The following SCARA5 variants were observed in gnomAD, a reference collection of about 807,000 sequenced individuals.
SCARA5 encodes the protein scavenger receptor class A member 5, also known as scavenger receptor class A, member 5 (putative).
A neutral mutation model predicts 46.3 loss-of-function variants in SCARA5; 45 were observed. The ratio of observed to expected loss-of-function variants is 0.97; its 90% CI spans 0.76 to 1.24. SCARA5 has a LOEUF of 1.24. SCARA5 is among the 50% of genes most tolerant of loss of function. The pLI, the probability that SCARA5 is intolerant of heterozygous loss-of-function variation, is 0.00. For synonymous variants in SCARA5, 333 were observed against 306.5 expected (o/e 1.09, Z -0.90); for missense variants, 680 against 689.0 (o/e 0.99, Z 0.15).
At chr8:27,914,023 T>C (rs981387951) in intron 4 of SCARA5, among the ~76,000 whole-genome samples, 1 of 152,208 alleles carries the variant, frequency 6.6e-6, no homozygotes, top group African/African-American at 2.4e-5. Flanking sequence ...GCTCCCATAA[T>C]TCCCATGTGT....
At chr8:27,912,667 C>T (rs2685342) in intron 4 of SCARA5, among the ~76,000 whole-genome samples, 83,356 of 152,076 alleles carry the variant, frequency 0.55, 23,680 homozygotes, top group Non-Finnish European at 0.63. Flanking sequence ...CCTTTCTCTC[C>T]TCTCTGCCTC....
At chr8:27,893,336 C>G (rs1291024126) in intron 7 of SCARA5, among the ~76,000 whole-genome samples, 2 of 152,148 alleles carry the variant, frequency 1.3e-5, no homozygotes, top group Non-Finnish European at 1.5e-5. Flanking sequence ...TCTGGAATGG[C>G]CCAGGAATGC....
chr8:27,968,584 CT>C (rs1237823507), intron 2 of SCARA5, among the ~76,000 whole-genome samples: 6 of 152,202 alleles, frequency 3.9e-5, no homozygotes, highest in African/African-American at 1.4e-4. Context: ...AGAGAAAACT[CT>C]GTTCCTCTCA....
At chr8:27,872,136 A>G in intron 8 of SCARA5, 66 bp from the exon 9 acceptor site, 2 of 1,567,860 alleles carry the variant, frequency 1.3e-6, no homozygotes, top group Middle Eastern at 1.7e-4. Context: ...AAGAGAGAGC[A>G]TAACTGTGCC....
intron 2 of SCARA5, among the ~76,000 whole-genome samples, chr8:27,979,386 G>A (rs1808580159): frequency 6.6e-6 from 1 of 152,162 alleles, no homozygotes; most frequent in African/African-American, 2.4e-5. Context: ...AGGACTCAAT[G>A]TGGAATAACT....
At chr8:27,893,263 C>T (rs1807015146) in intron 7 of SCARA5, among the ~76,000 whole-genome samples, 1 of 152,150 alleles carries the variant, frequency 6.6e-6, no homozygotes, top group South Asian at 2.1e-4. Flanking sequence ...AAGACCGGCT[C>T]CTGCTGTCAG....
intron 3 of SCARA5, among the ~76,000 whole-genome samples, chr8:27,956,006 G>A (rs142104551): frequency 6.6e-6 from 1 of 152,282 alleles, no homozygotes; most frequent in East Asian, 1.9e-4. Context: ...GAAAAGTCAA[G>A]ACTTCTGATT....
chr8:27,953,996 C>A (rs1246707214), intron 3 of SCARA5, among the ~76,000 whole-genome samples: 2 of 152,172 alleles, frequency 1.3e-5, no homozygotes, highest in Non-Finnish European at 2.9e-5. Context: ...TGATGCAGGT[C>A]CCACTCTGCC....
chr8:27,880,563 C>T (rs911277927), intron 7 of SCARA5, among the ~76,000 whole-genome samples: 6 of 152,030 alleles, frequency 3.9e-5, no homozygotes, highest in South Asian at 2.1e-4. Context: ...GGCAAAAGAG[C>T]GGCTGGGCTT....
rs1460100735 is a variant in SCARA5, at chr8:27,968,987, T to C, written c.113-2445A>G. On this transcript the variant is annotated intron_variant, in intron 2 of 8. Coordinates refer to ENST00000354914, the MANE Select transcript of SCARA5 (RefSeq NM_173833.6). ...GTTCTTTGAGCAAGACTTGGTTACT[T>C]TGTGCATTAAACCAAGTATATTTTA... is the stretch of plus-strand genomic sequence containing the variant. 2.0e-5 allele frequency among the ~76,000 whole-genome samples: 3 copies of C among 152,214 alleles called. No individual in the cohort carries two copies. In the East Asian group the frequency reaches 5.8e-4, roughly 29 times the overall value.
At chr8:27,911,330 T>C (rs1807371202) in intron 4 of SCARA5, among the ~76,000 whole-genome samples, 2 of 152,156 alleles carry the variant, frequency 1.3e-5, no homozygotes, top group Non-Finnish European at 2.9e-5. Flanking sequence ...CCATACCCTT[T>C]ATATCCCTAT....
At chr8:27,983,465 C>G (rs1808654568) in intron 2 of SCARA5, among the ~76,000 whole-genome samples, 2 of 152,212 alleles carry the variant, frequency 1.3e-5, no homozygotes, top group Admixed American at 1.3e-4. Context: ...GGGAGTCACT[C>G]CTTGGCACCA....
chr8:27,958,908 G>C (rs927721323), intron 3 of SCARA5, among the ~76,000 whole-genome samples: 26 of 152,148 alleles, frequency 1.7e-4, no homozygotes, highest in African/African-American at 6.0e-4. Flanking sequence ...TTTGGATGTA[G>C]GGTCGTGTAT....
chr8:27,906,800 G>A (rs1807269893), intron 6 of SCARA5, among the ~76,000 whole-genome samples: 3 of 152,118 alleles, frequency 2.0e-5, no homozygotes, highest in African/African-American at 7.2e-5. Flanking sequence ...CCTGGACTCA[G>A]GAGATCCTTC....
intron 4 of SCARA5, among the ~76,000 whole-genome samples, chr8:27,914,430 C>T (rs760770661): frequency 9.8e-5 from 15 of 152,314 alleles, no homozygotes; most frequent in East Asian, 3.9e-4. Context: ...TGGGAGCACC[C>T]GGAGCCTGGT....
chr8:27,974,945 C>T (rs1293443465), intron 2 of SCARA5, among the ~76,000 whole-genome samples: 1 of 151,970 alleles, frequency 6.6e-6, no homozygotes, highest in South Asian at 2.1e-4. Context: ...TTCTAAAGCT[C>T]TTGGGATTTC....
chr8:27,947,581 T>C (rs995008941), intron 3 of SCARA5, among the ~76,000 whole-genome samples: 1 of 152,108 alleles, frequency 6.6e-6, no homozygotes, highest in Non-Finnish European at 1.5e-5. Flanking sequence ...TGCTTCAACC[T>C]GGATGAACTT....
intron 3 of SCARA5, among the ~76,000 whole-genome samples, chr8:27,934,895 G>C (rs1807830486): frequency 6.6e-6 from 1 of 152,264 alleles, no homozygotes; most frequent in African/African-American, 2.4e-5. Context: ...AAGCTGCCCA[G>C]GGCCCAGTTT....
intron 3 of SCARA5, among the ~76,000 whole-genome samples, chr8:27,953,385 T>C (rs1330744144): frequency 6.6e-6 from 1 of 152,238 alleles, no homozygotes; most frequent in African/African-American, 2.4e-5. Flanking sequence ...GTATTTTCAT[T>C]GACGCATTGC....
Sources: allele counts gnomAD v4.1 joint callset (sites outside exome capture counted in the v4.1 genomes callset), GRCh38; gene constraint gnomAD v4.1.1; transcripts MANE v1.5; gene names NCBI Gene and HGNC (gene_info 2026-07-23, HGNC 2026-07-21).